The following FAM107B variants were observed in gnomAD, a reference collection of about 807,000 sequenced individuals.
FAM107B encodes family with sequence similarity 107 member B.
In FAM107B, 21 loss-of-function variants were observed where a neutral mutation model predicts 31.5. That is an observed-to-expected ratio of 0.67 (90% CI 0.47 to 0.96). The LOEUF is 0.96. Ranked by LOEUF, FAM107B falls within the 40% of genes least tolerant of loss-of-function variation. FAM107B has a pLI of 0.00. For synonymous variants in FAM107B, 157 were observed against 141.5 expected (o/e 1.11, Z -0.78); for missense variants, 452 against 377.1 (o/e 1.20, Z -1.64).
chr10:14,691,894 A>AAAC, intron 1 of FAM107B, among the ~76,000 whole-genome samples: 1 of 59,948 alleles, frequency 1.7e-5, no homozygotes, highest in Non-Finnish European at 2.8e-5. Flanking sequence ...ACTCTGTCAC[A>AAAC]AAAAAAAAAA....
chr10:14,600,297 C>CCATA (rs1309879952), intron 2 of FAM107B, among the ~76,000 whole-genome samples: 2 of 152,356 alleles, frequency 1.3e-5, no homozygotes, highest in African/African-American at 4.8e-5. Context: ...TGGGACAGAA[C>CCATA]CATACGGTTT....
At chr10:14,534,131 G>A (rs947116217) in intron 2 of FAM107B, among the ~76,000 whole-genome samples, 2 of 152,156 alleles carry the variant, frequency 1.3e-5, no homozygotes, top group Non-Finnish European at 2.9e-5. Context: ...AAAAGGGGGT[G>A]CACAGGAGCC....
intron 1 of FAM107B, among the ~76,000 whole-genome samples, chr10:14,755,786 A>G (rs1295486627): frequency 1.3e-5 from 2 of 152,232 alleles, no homozygotes; most frequent in South Asian, 2.1e-4. Context: ...AAAGGCTCCA[A>G]ATTTTAGAGA....
chr10:14,547,919 TTGTC>T (rs1848853964), intron 2 of FAM107B, among the ~76,000 whole-genome samples: 1 of 152,224 alleles, frequency 6.6e-6, no homozygotes, highest in South Asian at 2.1e-4. Flanking sequence ...CTTTGGAGGA[TTGTC>T]TGTCTCTAAC....
intron 3 of FAM107B, among the ~76,000 whole-genome samples, chr10:14,523,593 C>T (rs1227612049): frequency 6.6e-6 from 1 of 152,222 alleles, no homozygotes; most frequent in Non-Finnish European, 1.5e-5. Context: ...CGACTCCTAT[C>T]AACTACCGTG....
At chr10:14,570,352 T>C (rs535179685) in intron 2 of FAM107B, among the ~76,000 whole-genome samples, 1 of 152,112 alleles carries the variant, frequency 6.6e-6, no homozygotes, top group Non-Finnish European at 1.5e-5. Flanking sequence ...TTACACAGTG[T>C]ATGTAGCAAG....
chr10:14,556,927 C>T (rs1406856860), intron 2 of FAM107B, among the ~76,000 whole-genome samples: 1 of 152,202 alleles, frequency 6.6e-6, no homozygotes, highest in Admixed American at 6.5e-5. Flanking sequence ...CACCTTGCTC[C>T]CTGCGCCTTA....
At chr10:14,526,982 T>C (rs958170995) in intron 3 of FAM107B, among the ~76,000 whole-genome samples, 2 of 151,912 alleles carry the variant, frequency 1.3e-5, no homozygotes, top group Non-Finnish European at 1.5e-5. Flanking sequence ...GGACTACAGG[T>C]GCCCACCAAC....
chr10:14,692,250 C>A (rs966612135), intron 1 of FAM107B, among the ~76,000 whole-genome samples: 1 of 152,106 alleles, frequency 6.6e-6, no homozygotes, highest in South Asian at 2.1e-4. Context: ...AAGGCGTACC[C>A]CTGGGGCACA....
chr10:14,768,206 A>G (rs1254927188), intron 1 of FAM107B, among the ~76,000 whole-genome samples: 1 of 152,220 alleles, frequency 6.6e-6, no homozygotes, highest in Non-Finnish European at 1.5e-5. Flanking sequence ...AGAAAATGTA[A>G]GATGTCAATA....
chr10:14,646,310 T>C (rs771484987), intron 2 of FAM107B, among the ~76,000 whole-genome samples: 2 of 152,130 alleles, frequency 1.3e-5, no homozygotes, highest in Non-Finnish European at 1.5e-5. Context: ...TTGTACCTAA[T>C]AGGGAATTTT....
At chr10:14,597,336 T>C (rs1852220084) in intron 2 of FAM107B, among the ~76,000 whole-genome samples, 1 of 146,002 alleles carries the variant, frequency 6.8e-6, no homozygotes, top group Non-Finnish European at 1.5e-5. Context: ...CCTTAAAACT[T>C]GGATAAAGCG....
chr10:14,747,204 C>T (rs1460335978), intron 1 of FAM107B, among the ~76,000 whole-genome samples: 3 of 152,260 alleles, frequency 2.0e-5, no homozygotes, highest in East Asian at 3.9e-4. Context: ...AATATTTTAT[C>T]GTGGTTCTTA....
At chr10:14,558,455 G>A (rs1322098532) in intron 2 of FAM107B, among the ~76,000 whole-genome samples, 1 of 152,122 alleles carries the variant, frequency 6.6e-6, no homozygotes, top group Non-Finnish European at 1.5e-5. Flanking sequence ...ACTTTTAAAA[G>A]GTAACTTATT....
At chr10:14,540,550 T>G (rs111816849) in intron 2 of FAM107B, among the ~76,000 whole-genome samples, 1 of 152,058 alleles carries the variant, frequency 6.6e-6, no homozygotes. Flanking sequence ...GTCCTCCCCC[T>G]GTTCTCCCCC....
At position 14,521,888 on chromosome 10, in the gene FAM107B, C is replaced by T. The variant is rs1421681819; in HGVS notation, c.785G>A (p.Arg262Gln). 1.8e-5 allele frequency: 29 copies of T among 1,613,846 alleles called. No homozygotes were observed. Among genetic ancestry groups the T allele is most frequent in the East Asian group, 2.2e-5 (1 of 44,900 alleles). Residue 262 changes from arginine (R) to glutamine (Q), a missense_variant, in exon 4 of 5, where the codon CGG becomes CAG. By Grantham distance (43) the Arg-to-Gln change is conservative. Coordinates refer to ENST00000181796, the MANE Select transcript of FAM107B (RefSeq NM_031453.4). The part of the protein sequence containing the change: ...KSDLEIELLK[R>Q]QQKLEQLELE... ...CCTTACCTGCTCCAACTTCTGCTGC[C>T]GTTTTAATAGCTCTATTTCCAAGTC...
At chr10:14,770,076 A>G (rs371236410) in intron 1 of FAM107B, among the ~76,000 whole-genome samples, 2 of 152,300 alleles carry the variant, frequency 1.3e-5, no homozygotes, top group East Asian at 3.9e-4. Flanking sequence ...CTGAGCCATA[A>G]GCCCTCTCAT....
chr10:14,772,869 T>A (rs902000703), intron 1 of FAM107B, among the ~76,000 whole-genome samples: 4 of 152,212 alleles, frequency 2.6e-5, no homozygotes, highest in Non-Finnish European at 5.9e-5. Context: ...AAAATCAAAG[T>A]AACCCTTTGT....
chr10:14,673,015 T>C (rs1322481566), intron 1 of FAM107B, among the ~76,000 whole-genome samples: 1 of 152,226 alleles, frequency 6.6e-6, no homozygotes. Flanking sequence ...AATGGACACA[T>C]AATAATCATA....
Sources: allele counts gnomAD v4.1 joint callset (sites outside exome capture counted in the v4.1 genomes callset), GRCh38; gene constraint gnomAD v4.1.1; transcripts MANE v1.5; gene names NCBI Gene and HGNC (gene_info 2026-07-23, HGNC 2026-07-21).